ZFP2: variants seen among roughly 807,000 people sequenced by gnomAD.
The protein encoded by ZFP2 is zinc finger protein ZFP2.
Under a neutral mutation model 36.1 loss-of-function variants are expected in ZFP2, and 33 were observed. That is an observed-to-expected ratio of 0.92 (90% CI 0.69 to 1.22). ZFP2 has a LOEUF of 1.22. Ranked by LOEUF, ZFP2 falls within the 50% of genes most tolerant of loss-of-function variation. The probability of loss-of-function intolerance (pLI) is 0.00; values close to 1 mark genes in which losing one functional copy is unlikely to be tolerated. For synonymous variants in ZFP2, 170 were observed against 178.0 expected (o/e 0.96, Z 0.36); for missense variants, 522 against 551.4 (o/e 0.95, Z 0.53).
rs573503778 is a variant in ZFP2, at chr5:178,923,423, G to A, written c.-78+6713G>A. Among the ~76,000 whole-genome samples, 2 of 149,678 alleles carry A rather than the reference G, an allele frequency of 1.3e-5. 1 individual carries two copies. The highest frequency in any genetic ancestry group is 3.0e-5 in the Non-Finnish European group (2 of 66,610). ...TTTCGTGACTGGCTTATTTCACTTA[G>A]CATAATATCTTCGAGGTTCATCCTT... is the stretch of plus-strand genomic sequence containing the variant. On this transcript the variant is annotated intron_variant, in intron 4 of 4. Coordinates refer to ENST00000361362, the MANE Select transcript of ZFP2 (RefSeq NM_030613.4).
At chr5:178,912,087 CG>C (rs1758308966) in intron 1 of ZFP2, among the ~76,000 whole-genome samples, 1 of 152,124 alleles carries the variant, frequency 6.6e-6, no homozygotes, top group Non-Finnish European at 1.5e-5. Flanking sequence ...AAGCCGAGAA[CG>C]TGCCACTGCA....
intron 4 of ZFP2, among the ~76,000 whole-genome samples, chr5:178,918,209 T>C (rs1758481208): frequency 6.6e-6 from 1 of 152,242 alleles, no homozygotes; most frequent in Non-Finnish European, 1.5e-5. Flanking sequence ...CCCAGAACAG[T>C]ACCTGGCTTG....
chr5:178,919,400 G>C (rs1222435661), intron 4 of ZFP2, among the ~76,000 whole-genome samples: 1 of 152,178 alleles, frequency 6.6e-6, no homozygotes, highest in Non-Finnish European at 1.5e-5. Flanking sequence ...TGACTTAACA[G>C]GGTGGGTCTG....
At chr5:178,897,839 C>A (rs2113036819) in intron 1 of ZFP2, among the ~76,000 whole-genome samples, 1 of 152,254 alleles carries the variant, frequency 6.6e-6, no homozygotes, top group Non-Finnish European at 1.5e-5. Flanking sequence ...AGGTGGTCAA[C>A]AATGTATCTG....
At chr5:178,919,833 T>C (rs146948425) in intron 4 of ZFP2, among the ~76,000 whole-genome samples, 26 of 152,148 alleles carry the variant, frequency 1.7e-4, no homozygotes, top group Admixed American at 6.5e-4. Flanking sequence ...TGGTAGTGCA[T>C]GCCTGTAGTC....
intron 3 of ZFP2, among the ~76,000 whole-genome samples, 200 bp downstream of exon 3, chr5:178,913,271 G>T (rs146533025): frequency 2.1e-4 from 32 of 152,202 alleles, no homozygotes; most frequent in Non-Finnish European, 4.0e-4. Context: ...AGGAGTAAAT[G>T]AGTTTTTACA....
chr5:178,904,631 A>G (rs188606152), intron 1 of ZFP2, among the ~76,000 whole-genome samples: 1 of 146,810 alleles, frequency 6.8e-6, no homozygotes, highest in South Asian at 2.1e-4. Context: ...TCTGGATTCT[A>G]TTCCATTGTT....
Position 178,932,372 on chromosome 5 carries a change from TTA to T in ZFP2, c.1061_1062del (p.Tyr354Ter). 6.2e-7 allele frequency: 1 copy of T among 1,614,066 alleles called. No homozygotes were observed. The highest frequency in any genetic ancestry group is 8.5e-7 in the Non-Finnish European group (1 of 1,180,010). ...HRRIHTGEKP[Y>X]ECMVCGKHFT... The stretch of plus-strand genomic sequence containing the variant: ...GGAGAATTCACACTGGAGAGAAACC[TTA>T]TGAGTGTATGGTGTGTGGAAAACAT... On this transcript the variant is annotated frameshift_variant, in exon 5 of 5. Coordinates refer to ENST00000361362, the MANE Select transcript of ZFP2 (RefSeq NM_030613.4). LOFTEE classifies it high-confidence loss of function.
intron 4 of ZFP2, among the ~76,000 whole-genome samples, chr5:178,928,607 C>G (rs140810572): frequency 1.3e-5 from 2 of 152,216 alleles, no homozygotes; most frequent in South Asian, 2.1e-4. Context: ...GGTGGAGTCC[C>G]TAGGCCTTGG....
chr5:178,922,055 G>A (rs1177834428), intron 4 of ZFP2: 5 of 844,990 alleles, frequency 5.9e-6, no homozygotes, highest in Admixed American at 1.9e-5. Flanking sequence ...AGCCACCCAA[G>A]AAAACATCAT....
intron 1 of ZFP2, among the ~76,000 whole-genome samples, chr5:178,896,757 T>A (rs1037213804): frequency 1.3e-5 from 2 of 152,208 alleles, no homozygotes; most frequent in Admixed American, 1.3e-4. Context: ...AACAGAAATA[T>A]GAATATTAGC....
At chr5:178,906,680 CA>C (rs1179412554) in intron 1 of ZFP2, among the ~76,000 whole-genome samples, 61 of 152,110 alleles carry the variant, frequency 4.0e-4, no homozygotes, top group Admixed American at 3.5e-3. Context: ...CTCAGCCTCC[CA>C]AATAGCTGGG....
chr5:178,926,557 C>T (rs929841154), intron 4 of ZFP2, among the ~76,000 whole-genome samples: 1 of 151,658 alleles, frequency 6.6e-6, no homozygotes, highest in Non-Finnish European at 1.5e-5. Context: ...CGCTGTGTCG[C>T]CCAGGCTGGA....
chr5:178,897,850 G>T (rs1210932412), intron 1 of ZFP2, among the ~76,000 whole-genome samples: 1 of 152,174 alleles, frequency 6.6e-6, no homozygotes, highest in Non-Finnish European at 1.5e-5. Flanking sequence ...AATGTATCTG[G>T]TAAATAAGTC....
At chr5:178,906,640 C>T (rs1758173864) in intron 1 of ZFP2, among the ~76,000 whole-genome samples, 3 of 152,142 alleles carry the variant, frequency 2.0e-5, no homozygotes, top group South Asian at 4.2e-4. Context: ...ACTGCAACCT[C>T]CGCCTCCCGG....
At chr5:178,913,107 G>A (rs1758331157) in intron 3 of ZFP2, 36 bp downstream of exon 3, 3 of 969,222 alleles carry the variant, frequency 3.1e-6, no homozygotes, top group Admixed American at 6.2e-5. Flanking sequence ...TTAAATGAGT[G>A]TGTCTTTGGG....
At chr5:178,930,615 C>T (rs2113130488) in intron 4 of ZFP2, among the ~76,000 whole-genome samples, 1 of 152,202 alleles carries the variant, frequency 6.6e-6, no homozygotes, top group South Asian at 2.1e-4. Context: ...GCCACCACAC[C>T]CGGGCTTGAC....
chr5:178,926,095 C>G (rs1758662352), intron 4 of ZFP2, among the ~76,000 whole-genome samples: 1 of 133,052 alleles, frequency 7.5e-6, no homozygotes, highest in Non-Finnish European at 1.8e-5. Context: ...AATCCTCCCA[C>G]ATCAACCTCC....
intron 1 of ZFP2, among the ~76,000 whole-genome samples, chr5:178,902,298 T>G (rs1019944512): frequency 6.6e-6 from 1 of 152,186 alleles, no homozygotes; most frequent in Non-Finnish European, 1.5e-5. Flanking sequence ...CGTGTGTGCT[T>G]TCTATTATCA....
Sources: gnomAD v4.1 joint callset for allele counts (sites outside exome capture counted in the v4.1 genomes callset) on GRCh38, gnomAD v4.1.1 for gene constraint, MANE v1.5 for transcripts, NCBI Gene and HGNC (gene_info 2026-07-23, HGNC 2026-07-21) for gene names.